KAT6B: variants seen among roughly 807,000 people sequenced by gnomAD.
The protein encoded by KAT6B is lysine acetyltransferase 6B.
In KAT6B, 10 loss-of-function variants were observed where a neutral mutation model predicts 187.5. The ratio of observed to expected loss-of-function variants is 0.05; its 90% CI spans 0.03 to 0.09. The LOEUF is 0.09. Ranked by LOEUF, KAT6B falls within the 10% of genes least tolerant of loss-of-function variation. KAT6B has a pLI of 1.00. For missense variants in KAT6B, 1,952 were observed against 2,558.9 expected, an observed-to-expected ratio of 0.76 and a Z score of 5.12; for synonymous variants, 861 against 926.8, an observed-to-expected ratio of 0.93 and a Z score of 1.29.
In KAT6B at chr10:75,025,104, G is replaced by A; in HGVS notation, c.3519G>A (p.Glu1173=). The stretch of plus-strand genomic sequence containing the variant: ...AAGAGAGGCCAATGCCACAGCTGGA[G>A]CCTACCTGTGAGATTGAAGTGGAGG... ...SDEERPMPQL[E]PTCEIEVEED... is the part of the protein sequence containing the mutation. Residue 1173 remains glutamate, a synonymous_variant, in exon 17 of 18, where the codon GAG becomes GAA. Transcript: ENST00000287239. The A allele has an allele frequency of 1.2e-6, 2 of 1,614,220 alleles. No homozygotes were observed. Among genetic ancestry groups the A allele is most frequent in the Non-Finnish European group, 8.5e-7 (1 of 1,180,042 alleles).
chr10:74,998,496 G>C (rs1843609589), intron 13 of KAT6B, among the ~76,000 whole-genome samples: 1 of 152,012 alleles, frequency 6.6e-6, no homozygotes, highest in African/African-American at 2.4e-5. Context: ...TAATGTTTTG[G>C]TATATTTGTC....
chr10:74,894,122 G>A (rs1038417878), intron 3 of KAT6B, among the ~76,000 whole-genome samples: 3 of 151,940 alleles, frequency 2.0e-5, no homozygotes, highest in South Asian at 4.2e-4. Context: ...TCCCTCTGTC[G>A]CCCAGGCTGG....
At chr10:74,932,597 T>C (rs1472070271) in intron 3 of KAT6B, among the ~76,000 whole-genome samples, 1 of 152,220 alleles carries the variant, frequency 6.6e-6, no homozygotes, top group Non-Finnish European at 1.5e-5. Context: ...AGCAGATTTC[T>C]GCTAAATGGG....
intron 3 of KAT6B, among the ~76,000 whole-genome samples, chr10:74,878,619 C>CAAAA (rs11365400): frequency 1.1e-4 from 8 of 71,978 alleles, no homozygotes; most frequent in South Asian, 8.1e-4. Context: ...GACTCCATCT[C>CAAAA]AAAAAAAAAA....
At chr10:74,995,228 T>C (rs926984875) in intron 13 of KAT6B, among the ~76,000 whole-genome samples, 6 of 152,260 alleles carry the variant, frequency 3.9e-5, no homozygotes, top group Non-Finnish European at 7.3e-5. Flanking sequence ...CTTTTGGCTT[T>C]ACCCCAAGTG....
Position 74,866,617 on chromosome 10 carries a change from G to C in KAT6B, c.621+23139G>C, listed in dbSNP as rs576969799. Among the ~76,000 whole-genome samples the C allele has an allele frequency of 4.6e-5, 7 of 152,168 alleles. No individual in the cohort carries two copies. In the South Asian group the frequency reaches 1.5e-3, roughly 32 times the overall value. On this transcript the variant is annotated intron_variant, in intron 3 of 17. Coordinates refer to ENST00000287239, the MANE Select transcript of KAT6B (RefSeq NM_012330.4). ...AAAAAAAGGAGTCTATATCATTATT[G>C]TAAGTGGAAAACAAGCATTCCTTGC...
intron 3 of KAT6B, among the ~76,000 whole-genome samples, chr10:74,914,362 C>T (rs967152653): frequency 9.2e-5 from 14 of 151,964 alleles, no homozygotes; most frequent in African/African-American, 3.4e-4. Context: ...AATCAAATTC[C>T]ATCTTATTAT....
intron 3 of KAT6B, among the ~76,000 whole-genome samples, chr10:74,898,276 G>T (rs1291784742): frequency 6.6e-6 from 1 of 152,206 alleles, no homozygotes; most frequent in Non-Finnish European, 1.5e-5. Flanking sequence ...GGACTGAGCT[G>T]CTGCTTCTAC....
Position 75,028,766 on chromosome 10 carries a change from T to C in KAT6B, c.3942T>C (p.Thr1314=). 6.2e-7 allele frequency: 1 copy of C among 1,614,058 alleles called. No individual in the cohort carries two copies. Among genetic ancestry groups the C allele is most frequent in the Non-Finnish European group, 8.5e-7 (1 of 1,180,014 alleles). ...PIRIEEEVKE[T]GEALLPQEEN... Reference sequence around the variant, plus strand: ...GGATTGAGGAGGAGGTCAAGGAAACTGGGGAAGCCCTGTTGCCTCAAGAGG... The same window carrying C: ...GGATTGAGGAGGAGGTCAAGGAAACCGGGGAAGCCCTGTTGCCTCAAGAGG... The change falls in exon 18 of 18, where the codon ACT becomes ACC. Residue 1314 remains threonine (T), a synonymous_variant. Transcript: ENST00000287239.
chr10:74,950,910 C>T (rs970046550), intron 3 of KAT6B, among the ~76,000 whole-genome samples: 2 of 151,834 alleles, frequency 1.3e-5, no homozygotes, highest in Admixed American at 6.6e-5. Context: ...CCCAGGCGTT[C>T]GAGATCAGCC....
intron 3 of KAT6B, among the ~76,000 whole-genome samples, chr10:74,888,586 C>T (rs1010367373): frequency 2.0e-5 from 3 of 151,954 alleles, no homozygotes; most frequent in East Asian, 1.9e-4. Context: ...TATTCTTTGG[C>T]GGCAATGAGA....
chr10:75,014,843 T>A (rs953432833), intron 13 of KAT6B, among the ~76,000 whole-genome samples: 1 of 152,208 alleles, frequency 6.6e-6, no homozygotes, highest in African/African-American at 2.4e-5. Flanking sequence ...CTGGTGGGGC[T>A]TTGGCGAGTC....
At chr10:74,853,267 G>A (rs1448938336) in intron 3 of KAT6B, among the ~76,000 whole-genome samples, 1 of 150,476 alleles carries the variant, frequency 6.6e-6, no homozygotes, top group Non-Finnish European at 1.5e-5. Context: ...GACTACAGGT[G>A]TGCACCACCT....
At chr10:74,868,176 C>G (rs1042741691) in intron 3 of KAT6B, among the ~76,000 whole-genome samples, 2 of 152,106 alleles carry the variant, frequency 1.3e-5, no homozygotes, top group African/African-American at 2.4e-5. Flanking sequence ...ATAACATCAT[C>G]TTGACAAATA....
At position 74,838,666 on chromosome 10, in the gene KAT6B, CTTTTTTCT is replaced by C. The variant is rs1488888624; in HGVS notation, c.-328-13_-328-6del. 1 of 152,146 alleles carries C rather than the reference CTTTTTTCT, an allele frequency of 6.6e-6. No individual in the cohort carries two copies. The highest frequency in any genetic ancestry group is 1.9e-4 in the East Asian group (1 of 5,200). 9.4% of individuals were successfully genotyped at this position (152,146 alleles called of 1,614,324 possible). The stretch of plus-strand genomic sequence containing the variant: ...GTCCTTATGTCCAAATGAACATTTC[CTTTTTTCT>C]TTTGGCAGATTTGCCTGAAGACCTG... On this transcript the variant is annotated splice_polypyrimidine_tract_variant and intron_variant, in intron 1 of 17. Transcript: ENST00000287239.
intron 2 of KAT6B, among the ~76,000 whole-genome samples, chr10:74,841,433 G>A (rs897379947): frequency 1.3e-5 from 2 of 152,120 alleles, no homozygotes; most frequent in African/African-American, 4.8e-5. Context: ...GGGTGTGGTG[G>A]CACATTCCTG....
intron 3 of KAT6B, among the ~76,000 whole-genome samples, chr10:74,909,521 A>G (rs534294295): frequency 2.0e-5 from 3 of 152,316 alleles, no homozygotes; most frequent in African/African-American, 7.2e-5. Context: ...TTAGCATTGC[A>G]TTAACAGAAC....
At chr10:74,858,802 A>G (rs182080567) in intron 3 of KAT6B, among the ~76,000 whole-genome samples, 1 of 151,994 alleles carries the variant, frequency 6.6e-6, no homozygotes, top group Admixed American at 6.5e-5. Flanking sequence ...TAAAAATGTA[A>G]AAATTAGCTG....
At chr10:74,872,947 C>T (rs1844110059) in intron 3 of KAT6B, among the ~76,000 whole-genome samples, 2 of 152,082 alleles carry the variant, frequency 1.3e-5, no homozygotes, top group South Asian at 4.1e-4. Flanking sequence ...TTAGATGATA[C>T]TCTTATATCA....
Sources: allele counts gnomAD v4.1 joint callset (sites outside exome capture counted in the v4.1 genomes callset), GRCh38; gene constraint gnomAD v4.1.1; transcripts MANE v1.5; gene names NCBI Gene and HGNC (gene_info 2026-07-23, HGNC 2026-07-21).